Variants in CAV1 observed in about 807,000 individuals in gnomAD.
CAV1 encodes caveolin-1.
CAV1 carries 10 observed loss-of-function variants against 16.5 expected under a neutral mutation model. That is an observed-to-expected ratio of 0.61 (90% CI 0.37 to 1.03). CAV1 has a LOEUF of 1.03. CAV1 is among the 50% of genes least tolerant of loss of function. The pLI, the probability that CAV1 is intolerant of heterozygous loss-of-function variation, is 0.01. For synonymous variants in CAV1, 76 were observed against 85.1 expected, an observed-to-expected ratio of 0.89 and a Z score of 0.59; for missense variants, 212 against 232.8, an observed-to-expected ratio of 0.91 and a Z score of 0.58.
chr7:116,526,818 A>G, intron 2 of CAV1, 129 bp downstream of exon 2: 1 of 1,065,386 alleles, frequency 9.4e-7, no homozygotes, highest in Non-Finnish European at 1.4e-6. Context: ...ACACACACAC[A>G]CACAGAGTTT....
At chr7:116,534,126 G>A (rs1719893584) in intron 2 of CAV1, among the ~76,000 whole-genome samples, 1 of 151,728 alleles carries the variant, frequency 6.6e-6, no homozygotes, top group Admixed American at 6.6e-5. Context: ...GCTGAGGCAC[G>A]AGAATCGCTT....
At position 116,526,519 on chromosome 7, in the gene CAV1, CTGCAGGGACA is replaced by C; in HGVS notation, c.31-4_36del. ...GTCCTGGCCGTCCGCCCTCCGCCCT[CTGCAGGGACA>C]TCTCTACACCGTTCCCATCCGGGAA... On this transcript the variant is annotated splice_acceptor_variant and splice_polypyrimidine_tract_variant and coding_sequence_variant and intron_variant, in exon 2 of 3. Coordinates refer to ENST00000341049, the MANE Select transcript of CAV1 (RefSeq NM_001753.5). LOFTEE classifies it high-confidence loss of function. 6.2e-7 allele frequency: 1 copy of C among 1,613,954 alleles called. No individual in the cohort carries two copies. The highest frequency in any genetic ancestry group is 8.5e-7 in the Non-Finnish European group (1 of 1,180,012).
chr7:116,525,166 T>C lies in CAV1; in HGVS notation c.30+74T>C, dbSNP rs368176152. ...CTTCTGCTATCTGCCTCTCCAAATA[T>C]CCCGACTGCTGCCCTGGCCCCAGCC... On this transcript the variant is annotated intron_variant, in intron 1 of 2. Transcript: ENST00000341049. The C allele has an allele frequency of 3.4e-4, 548 of 1,613,750 alleles. 2 individuals are homozygous for C. The African/African-American group carries it at 6.5e-3, about 19-fold the overall frequency.
At chr7:116,527,561 A>T (rs1287379516) in intron 2 of CAV1, among the ~76,000 whole-genome samples, 1 of 152,104 alleles carries the variant, frequency 6.6e-6, no homozygotes, top group Non-Finnish European at 1.5e-5. Flanking sequence ...TTAGATTTTG[A>T]CCCTTTTAGC....
At chr7:116,545,325 T>C (rs1413507177) in intron 2 of CAV1, among the ~76,000 whole-genome samples, 1 of 152,134 alleles carries the variant, frequency 6.6e-6, no homozygotes, top group Non-Finnish European at 1.5e-5. Flanking sequence ...AGACCTAAAA[T>C]GTTAATGGTG....
At chr7:116,556,373 C>A (rs1490373627) in intron 2 of CAV1, among the ~76,000 whole-genome samples, 1 of 152,048 alleles carries the variant, frequency 6.6e-6, no homozygotes, top group East Asian at 1.9e-4. Flanking sequence ...TATTAACGTG[C>A]CTTTTAATTA....
At position 116,555,544 on chromosome 7, in the gene CAV1, GAAAGAAAGAAAGAA is replaced by G. The variant is rs1474320409; in HGVS notation, c.196-3400_196-3387del. ...AGAGAGAGAGAGAGAGAGAGAGAGA[GAAAGAAAGAAAGAA>G]AGAAAGAAAGAAAGAAAGAAAGAAA... is the stretch of plus-strand genomic sequence containing the variant. On this transcript the variant is annotated intron_variant, in intron 2 of 2. Transcript: ENST00000341049. Among the ~76,000 whole-genome samples the G allele has an allele frequency of 7.1e-4, 15 of 21,004 alleles. 1 individual carries two copies. The highest frequency in any genetic ancestry group is 1.7e-3 in the East Asian group (1 of 584). 13.8% of individuals were successfully genotyped at this position (21,004 alleles called of 152,430 possible). A position where few individuals can be genotyped will look rare whatever the true frequency, so the allele number is the denominator to read the frequency against.
At chr7:116,526,270 C>T in intron 1 of CAV1, 1 of 1,256,862 alleles carries the variant, frequency 8.0e-7, no homozygotes, top group Non-Finnish European at 1.0e-6. Flanking sequence ...TGGCGGCGGG[C>T]GGGGGAGGCA....
Sources: gnomAD v4.1 joint callset for allele counts (sites outside exome capture counted in the v4.1 genomes callset) on GRCh38, gnomAD v4.1.1 for gene constraint, MANE v1.5 for transcripts, NCBI Gene and HGNC (gene_info 2026-07-23, HGNC 2026-07-21) for gene names.